The following PTPRN2 variants were observed in gnomAD, a reference collection of about 807,000 sequenced individuals.
PTPRN2 encodes receptor-type tyrosine-protein phosphatase N2.
Under a neutral mutation model 118.8 loss-of-function variants are expected in PTPRN2, and 74 were observed. The observed-to-expected ratio is 0.62, with a 90% CI of 0.52 to 0.76. The LOEUF is 0.76. Among genes scored for constraint, PTPRN2 ranks in the 30% least tolerant of loss-of-function variants. PTPRN2 has a pLI of 0.00. For missense variants in PTPRN2, 1,481 were observed against 1,394.4 expected (o/e 1.06, Z -0.99); for synonymous variants, 641 against 608.0 (o/e 1.05, Z -0.80).
At position 157,801,024 on chromosome 7, in the gene PTPRN2, TATATATACAC is replaced by T. The variant is rs1563123623; in HGVS notation, c.1788+97639_1788+97648del. 1.4e-5 allele frequency among the ~76,000 whole-genome samples: 2 copies of T among 147,904 alleles called. No homozygotes were observed. Among genetic ancestry groups the T allele is most frequent in the Non-Finnish European group, 1.5e-5 (1 of 66,790 alleles). On this transcript the variant is annotated intron_variant, in intron 12 of 22. Transcript: ENST00000389418. The surrounding 1 kb of genome is among the most constrained non-coding windows in gnomAD (Gnocchi z 4.2). ...ACACACATATACATATACACACACA[TATATATACAC>T]ATATATATACACATATATACACATA...
intron 2 of PTPRN2, among the ~76,000 whole-genome samples, chr7:158,455,611 G>A (rs113807471): frequency 4.6e-4 from 5 of 10,786 alleles, no homozygotes; most frequent in Non-Finnish European, 6.1e-4. Flanking sequence ...ACAACGGCAC[G>A]GACGCCATCG....
At chr7:158,424,500 C>G (rs886210010) in intron 2 of PTPRN2, among the ~76,000 whole-genome samples, 3 of 152,230 alleles carry the variant, frequency 2.0e-5, no homozygotes, top group African/African-American at 7.2e-5. Flanking sequence ...AGTGAAAGAA[C>G]TGACTCTCCC....
At chr7:157,599,576 A>T (rs1047490499) in intron 16 of PTPRN2, among the ~76,000 whole-genome samples, 1 of 152,234 alleles carries the variant, frequency 6.6e-6, no homozygotes, top group Non-Finnish European at 1.5e-5. Context: ...CTCATTTTAG[A>T]AATGAAGCAC....
At chr7:158,057,094 C>T (rs1347096672) in intron 11 of PTPRN2, among the ~76,000 whole-genome samples, 2 of 152,244 alleles carry the variant, frequency 1.3e-5, no homozygotes, top group African/African-American at 2.4e-5. Context: ...CTGCCCAGCT[C>T]CCGATTCCGC....
At position 157,785,325 on chromosome 7, in the gene PTPRN2, G is replaced by A. The variant is rs577628684; in HGVS notation, c.1789-102388C>T. ...TGGTGACGGTGGATCCACAGCTGCC[G>A]CGGGTCCCCCCAACCCCAAAGCCAC... On this transcript the variant is annotated intron_variant, in intron 12 of 22. Transcript: ENST00000389418. The surrounding 1 kb of genome is among the most constrained non-coding windows in gnomAD (Gnocchi z 7.3). Among the ~76,000 whole-genome samples, 7 of 152,302 alleles carry A rather than the reference G, an allele frequency of 4.6e-5. No homozygotes were observed. The highest frequency in any genetic ancestry group is 3.9e-4 in the Admixed American group (6 of 15,304).
intron 10 of PTPRN2, among the ~76,000 whole-genome samples, chr7:158,098,528 C>T (rs1032378212): frequency 3.0e-4 from 46 of 152,310 alleles, no homozygotes; most frequent in African/African-American, 1.0e-3. Flanking sequence ...CTTCCGACAG[C>T]GAAGGCGGTG....
At chr7:158,230,948 T>A (rs1191445259) in intron 3 of PTPRN2, among the ~76,000 whole-genome samples, 5 of 152,282 alleles carry the variant, frequency 3.3e-5, no homozygotes, top group Admixed American at 3.3e-4. Context: ...TCTATAAAGA[T>A]GGACATTGAC....
chr7:157,629,056 A>C lies in PTPRN2; in HGVS notation c.2197-7547T>G, dbSNP rs537493207. 2.0e-5 allele frequency among the ~76,000 whole-genome samples: 3 copies of C among 152,314 alleles called. No homozygotes were observed. In the South Asian group the frequency reaches 6.2e-4, roughly 32 times the overall value. On this transcript the variant is annotated intron_variant, in intron 14 of 22. Coordinates refer to ENST00000389418, the MANE Select transcript of PTPRN2 (RefSeq NM_002847.5). The surrounding 1 kb of genome is among the most constrained non-coding windows in gnomAD (Gnocchi z 4.4). ...TGTGCATCTGATGCAGGACCCGCTCACACGAAACATGCTCGCCTTCCTGTT... is the reference window on the plus strand; with the variant it reads ...TGTGCATCTGATGCAGGACCCGCTCCCACGAAACATGCTCGCCTTCCTGTT...
chr7:158,557,316 C>T (rs1004788168), intron 1 of PTPRN2, among the ~76,000 whole-genome samples: 93 of 142,858 alleles, frequency 6.5e-4, no homozygotes, highest in Non-Finnish European at 1.2e-3. Flanking sequence ...AGGTCGCTCC[C>T]GCGCAGGGCA....
In PTPRN2 at chr7:158,191,413, G is replaced by A. The variant is rs767215977; in HGVS notation, c.549+914C>T. 5.3e-5 allele frequency among the ~76,000 whole-genome samples: 8 copies of A among 151,798 alleles called. No homozygotes were observed. In the South Asian group the frequency reaches 6.2e-4, roughly 12 times the overall value. On this transcript the variant is annotated intron_variant, in intron 5 of 22. Coordinates refer to ENST00000389418, the MANE Select transcript of PTPRN2 (RefSeq NM_002847.5). ...GGCAGAAAAGGAGTGTGTGAGCGTC[G>A]CCATCAAACCCCCAATGTCCCCAGG...
chr7:158,150,506 G>T (rs1265907991), intron 6 of PTPRN2, among the ~76,000 whole-genome samples: 3 of 152,124 alleles, frequency 2.0e-5, no homozygotes, highest in Non-Finnish European at 4.4e-5. Flanking sequence ...TCACTGCAAA[G>T]CTAACCCAGG....
intron 6 of PTPRN2, among the ~76,000 whole-genome samples, chr7:158,152,110 C>T (rs1821246069): frequency 7.5e-6 from 1 of 133,962 alleles, no homozygotes; most frequent in African/African-American, 2.8e-5. Flanking sequence ...GGAGGCGGAG[C>T]TTGCAGTGAG....
chr7:158,058,354 G>A (rs1809987071), intron 11 of PTPRN2, among the ~76,000 whole-genome samples: 1 of 142,466 alleles, frequency 7.0e-6, no homozygotes, highest in Non-Finnish European at 1.5e-5. Flanking sequence ...CGCTCCATCT[G>A]CCCACGGTGA....
At chr7:157,717,909 A>C (rs1195888549) in intron 12 of PTPRN2, among the ~76,000 whole-genome samples, 1 of 152,200 alleles carries the variant, frequency 6.6e-6, no homozygotes, top group East Asian at 1.9e-4. Context: ...ATATGAAGCC[A>C]TTTTTCGGTA....
chr7:157,943,419 T>C (rs1800269291), intron 11 of PTPRN2, among the ~76,000 whole-genome samples: 1 of 152,026 alleles, frequency 6.6e-6, no homozygotes, highest in Non-Finnish European at 1.5e-5. Flanking sequence ...ACAGAATCAC[T>C]TCCTGCCCTT....
At chr7:158,548,519 G>T (rs971142298) in intron 1 of PTPRN2, among the ~76,000 whole-genome samples, 1 of 152,188 alleles carries the variant, frequency 6.6e-6, no homozygotes, top group Non-Finnish European at 1.5e-5. Context: ...ACCCCTCAGC[G>T]ATGACCAGGG....
chr7:157,720,345 C>T (rs1015427380), intron 12 of PTPRN2, among the ~76,000 whole-genome samples: 3 of 152,226 alleles, frequency 2.0e-5, no homozygotes, highest in East Asian at 3.9e-4. Flanking sequence ...TTCCAATGTC[C>T]GACCTCTGGG....
chr7:158,532,068 C>G (rs745609110), intron 1 of PTPRN2, among the ~76,000 whole-genome samples: 1 of 152,170 alleles, frequency 6.6e-6, no homozygotes, highest in African/African-American at 2.4e-5. Context: ...ACAGTGAAAA[C>G]TGAATAAACA....
intron 3 of PTPRN2, among the ~76,000 whole-genome samples, chr7:158,288,098 A>G (rs1799877697): frequency 6.6e-6 from 1 of 152,092 alleles, no homozygotes; most frequent in Non-Finnish European, 1.5e-5. Context: ...AGTCTATTTT[A>G]TTTAAGTATA....
Sources: gnomAD v4.1 joint callset for allele counts (sites outside exome capture counted in the v4.1 genomes callset) on GRCh38, gnomAD v4.1.1 for gene constraint, Gnocchi (gnomAD v3.1) non-coding constraint, MANE v1.5 for transcripts, NCBI Gene and HGNC (gene_info 2026-07-23, HGNC 2026-07-21) for gene names.